Variants in RGS6 observed in about 807,000 individuals in gnomAD.
The protein encoded by RGS6 is regulator of G-protein signaling 6.
RGS6 carries 30 observed loss-of-function variants against 78.5 expected under a neutral mutation model. The observed-to-expected ratio is 0.38, with a 90% CI of 0.29 to 0.52. The LOEUF is 0.52. Ranked by LOEUF, RGS6 falls within the 20% of genes least tolerant of loss-of-function variation. RGS6 has a pLI of 0.85. For synonymous variants in RGS6, 206 were observed against 206.0 expected, an observed-to-expected ratio of 1.00 and a Z score of 0.00; for missense variants, 495 against 609.7, an observed-to-expected ratio of 0.81 and a Z score of 1.98.
chr14:72,024,327 A>G (rs2089383473), intron 2 of RGS6, among the ~76,000 whole-genome samples: 1 of 152,174 alleles, frequency 6.6e-6, no homozygotes, highest in Admixed American at 6.5e-5. Context: ...TGCACACAGG[A>G]TTCAGATACG....
At chr14:72,235,009 A>G (rs544688480) in intron 2 of RGS6, among the ~76,000 whole-genome samples, 1 of 152,296 alleles carries the variant, frequency 6.6e-6, no homozygotes, top group African/African-American at 2.4e-5. Flanking sequence ...TGAGTCAACT[A>G]GATGGCATGG....
intron 2 of RGS6, among the ~76,000 whole-genome samples, chr14:72,011,366 G>T (rs2085671948): frequency 6.6e-6 from 1 of 152,140 alleles, no homozygotes; most frequent in Admixed American, 6.5e-5. Context: ...CCTCATGATG[G>T]CATCATTTGA....
chr14:71,985,549 C>T (rs2094671995), intron 2 of RGS6, among the ~76,000 whole-genome samples: 1 of 152,088 alleles, frequency 6.6e-6, no homozygotes, highest in African/African-American at 2.4e-5. Flanking sequence ...GTTACAACTC[C>T]TATTATATAT....
At chr14:71,875,538 C>A in the RGS6 span, among the ~76,000 whole-genome samples, 32 of 152,102 alleles carry the variant, frequency 2.1e-4, no homozygotes, top group African/African-American at 7.7e-4. Context: ...TCTCTCTTTT[C>A]TTCTTTATTA....
chr14:72,152,245 A>AGAGAGT (rs1337605353), intron 2 of RGS6, among the ~76,000 whole-genome samples: 16 of 97,228 alleles, frequency 1.6e-4, no homozygotes, highest in Admixed American at 1.0e-3. Context: ...AGAGAGAGAG[A>AGAGAGT]GTGTGTGTGT....
chr14:72,330,002 C>A (rs1015099936), intron 2 of RGS6, among the ~76,000 whole-genome samples: 1 of 152,234 alleles, frequency 6.6e-6, no homozygotes, highest in Admixed American at 6.5e-5. Flanking sequence ...GAACTATAAA[C>A]TTGGATGGCA....
intron 2 of RGS6, among the ~76,000 whole-genome samples, chr14:71,982,175 C>T (rs746086921): frequency 3.3e-4 from 51 of 152,278 alleles, no homozygotes; most frequent in South Asian, 1.7e-3. Flanking sequence ...CACTGACCTG[C>T]GCCCAGTGTC....
At chr14:72,265,449 G>A (rs1472517028) in intron 2 of RGS6, among the ~76,000 whole-genome samples, 1 of 152,158 alleles carries the variant, frequency 6.6e-6, no homozygotes, top group Non-Finnish European at 1.5e-5. Flanking sequence ...GGGTGGAGAA[G>A]ACCTCTTGGG....
At chr14:72,413,077 A>G (rs1597135666) in intron 3 of RGS6, among the ~76,000 whole-genome samples, 2 of 152,346 alleles carry the variant, frequency 1.3e-5, no homozygotes, top group East Asian at 1.9e-4. Context: ...GTAGATGTCT[A>G]TTAGGTCCGC....
At chr14:72,243,130 G>A (rs978196947) in intron 2 of RGS6, among the ~76,000 whole-genome samples, 1 of 152,138 alleles carries the variant, frequency 6.6e-6, no homozygotes. Flanking sequence ...GATTATAGGC[G>A]TGAGCCACTG....
intron 2 of RGS6, among the ~76,000 whole-genome samples, chr14:72,093,598 CT>C (rs771982726): frequency 6.6e-6 from 1 of 152,084 alleles, no homozygotes; most frequent in South Asian, 2.1e-4. Flanking sequence ...CTACAGTTTG[CT>C]TTTTTCCCCC....
chr14:72,244,863 T>G (rs111452095), intron 2 of RGS6, among the ~76,000 whole-genome samples: 5 of 151,890 alleles, frequency 3.3e-5, no homozygotes, highest in African/African-American at 9.7e-5. Context: ...CTCACTCTAT[T>G]GCCTAGGCTG....
intron 2 of RGS6, among the ~76,000 whole-genome samples, chr14:72,154,881 C>T (rs1460721381): frequency 6.6e-6 from 1 of 152,208 alleles, no homozygotes; most frequent in Non-Finnish European, 1.5e-5. Flanking sequence ...TGAGTTACAA[C>T]AGCATGACCA....
chr14:72,603,515 C>G, the RGS6 span, among the ~76,000 whole-genome samples: 1 of 152,244 alleles, frequency 6.6e-6, no homozygotes, highest in African/African-American at 2.4e-5. Context: ...TTCACACACT[C>G]AATCATTCAT....
At chr14:71,914,592 A>G in the RGS6 span, among the ~76,000 whole-genome samples, 1 of 151,984 alleles carries the variant, frequency 6.6e-6, no homozygotes, top group African/African-American at 2.4e-5. Flanking sequence ...CCAGTAATTC[A>G]TGATTTACCA....
At chr14:72,601,050 G>A in the RGS6 span, among the ~76,000 whole-genome samples, 4 of 145,124 alleles carry the variant, frequency 2.8e-5, no homozygotes, top group East Asian at 2.0e-4. Context: ...GGAGAAGGGG[G>A]AAGAGGAGGA....
Position 72,549,841 on chromosome 14 carries a change from G to C in RGS6, c.1422+9747G>C, listed in dbSNP as rs557650186. 4.6e-5 allele frequency among the ~76,000 whole-genome samples: 7 copies of C among 152,244 alleles called. No individual in the cohort carries two copies. In the South Asian group the frequency reaches 1.4e-3, roughly 32 times the overall value. ...TGCACCACCTCACTCCAGCCTGGGC[G>C]ACAGAGCAAAACTCCATCCCCATCC... is the stretch of plus-strand genomic sequence containing the variant. On this transcript the variant is annotated intron_variant, in intron 17 of 17. Coordinates refer to ENST00000553525, the MANE Select transcript of RGS6 (RefSeq NM_001204424.2).
chr14:72,476,962 C>T (rs2096254633), intron 11 of RGS6, 122 bp downstream of exon 11: 4 of 809,056 alleles, frequency 4.9e-6, no homozygotes, highest in Middle Eastern at 2.3e-4. Context: ...TGGAACCCAG[C>T]TGTGGGTGAT....
chr14:72,300,513 G>A (rs1266733479), intron 2 of RGS6, among the ~76,000 whole-genome samples: 1 of 152,100 alleles, frequency 6.6e-6, no homozygotes. Flanking sequence ...ATATATTTGG[G>A]GGAATATCAT....
Sources: allele counts gnomAD v4.1 joint callset (sites outside exome capture counted in the v4.1 genomes callset), GRCh38; gene constraint gnomAD v4.1.1; transcripts MANE v1.5; gene names NCBI Gene and HGNC (gene_info 2026-07-23, HGNC 2026-07-21).